The following EXD3 variants were observed in gnomAD, a reference collection of about 807,000 sequenced individuals.
The protein encoded by EXD3 is exonuclease 3'-5' domain containing 3.
A neutral mutation model predicts 98.0 loss-of-function variants in EXD3; 92 were observed. The ratio of observed to expected loss-of-function variants is 0.94; its 90% confidence interval spans 0.79 to 1.12. The LOEUF is 1.12. Among genes scored for constraint, EXD3 ranks in the 50% most tolerant of loss-of-function variants. EXD3 has a pLI of 0.00. For synonymous variants in EXD3, 569 were observed against 526.0 expected, an observed-to-expected ratio of 1.08 and a Z score of -1.12; for missense variants, 1,222 against 1,191.6, an observed-to-expected ratio of 1.03 and a Z score of -0.38.
intron 3 of EXD3, chr9:137,376,993 G>A (rs1330960664): frequency 2.0e-5 from 3 of 150,810 alleles, no homozygotes; most frequent in Non-Finnish European, 4.4e-5. Context: ...TACCCTTCAG[G>A]CATGAGGCCT....
At chr9:137,418,172 C>T (rs987003713) in intron 1 of EXD3, among the ~76,000 whole-genome samples, 3 of 152,156 alleles carry the variant, frequency 2.0e-5, no homozygotes, top group African/African-American at 7.2e-5. Context: ...CATGGTGAAA[C>T]CCCATCTCTA....
chr9:137,353,975 G>GT (rs1834461653), intron 10 of EXD3: 33 of 1,091,984 alleles, frequency 3.0e-5, no homozygotes, highest in Non-Finnish European at 3.7e-5. Context: ...GCACCGGGCT[G>GT]GGGGGGCCTG....
In EXD3 at chr9:137,421,053, G is replaced by T. The variant is rs188649564; in HGVS notation, c.-48+2061C>A. Among the ~76,000 whole-genome samples, 174 of 152,188 alleles carry T rather than the reference G, an allele frequency of 1.1e-3. 2 individuals carry two copies. Among genetic ancestry groups the T allele is most frequent in the African/African-American group, 4.0e-3 (165 of 41,524 alleles). ...TTGGTCTCAAACTCCTGGGCTCAAT[G>T]AATCCTCCCACCTTGGCCTCCCAAA... On this transcript the variant is annotated intron_variant, in intron 1 of 21. Transcript: ENST00000340951.
intron 5 of EXD3, among the ~76,000 whole-genome samples, chr9:137,369,232 G>A (rs561583822): frequency 5.9e-5 from 9 of 152,074 alleles, no homozygotes; most frequent in African/African-American, 2.2e-4. Flanking sequence ...GGGCCTGGGA[G>A]GTGGGCTTAC....
At position 137,403,809 on chromosome 9, in the gene EXD3, G is replaced by A. The variant is rs533991754; in HGVS notation, c.-47-8405C>T. Among the ~76,000 whole-genome samples, 17 of 152,266 alleles carry A rather than the reference G, an allele frequency of 1.1e-4. No individual in the cohort carries two copies. The highest frequency in any genetic ancestry group is 1.9e-4 in the East Asian group (1 of 5,166). ...GGCCCTCTCCACCATGCCCAGAACC[G>A]TGGATGCCCCAGCCTGGGCTCTTCA... is the stretch of plus-strand genomic sequence containing the variant. On this transcript the variant is annotated intron_variant, in intron 1 of 21. Transcript: ENST00000340951. The surrounding 1 kb of genome is among the most constrained non-coding windows in gnomAD (Gnocchi z 6.1).
In EXD3 at chr9:137,349,492, C is replaced by T. The variant is rs754257499; in HGVS notation, c.1534G>A (p.Ala512Thr). 1.9e-6 allele frequency: 3 copies of T among 1,602,992 alleles called. No individual in the cohort carries two copies. The highest frequency in any genetic ancestry group is 4.5e-5 in the East Asian group (2 of 44,792). Residue 512 changes from alanine to threonine, a missense_variant, in exon 15 of 22, where the codon GCC becomes ACC. Transcript: ENST00000340951. This position sits in a 1 kb window ranked among gnomAD's most constrained non-coding sequence, Gnocchi z 7.4. ...ASVPAPAVDR[A>T]RELRGLSLLV... The stretch of plus-strand genomic sequence containing the variant: ...AGGCTCAGGCCCCTCAGCTCCCTGG[C>T]CCTGTCCACGGCTGGGGCTGGCACG...
At chr9:137,353,544 G>A in intron 10 of EXD3, 1 of 986,140 alleles carries the variant, frequency 1.0e-6, no homozygotes, top group Non-Finnish European at 1.2e-6. Context: ...GGGTGGCAAT[G>A]ACCAAGGGGG....
At chr9:137,350,914 G>C (rs990740818) in intron 14 of EXD3, 124 bp downstream of exon 14, 2 of 741,710 alleles carry the variant, frequency 2.7e-6, no homozygotes, top group Non-Finnish European at 2.2e-6. Context: ...TGGTGACTGA[G>C]GCTGTGCTGA....
Position 137,306,968 on chromosome 9 carries a change from C to T in EXD3, c.2613G>A (p.Pro871=), listed in dbSNP as rs773823557. The T allele has an allele frequency of 1.0e-5, 16 of 1,584,774 alleles. No individual in the cohort carries two copies. The highest frequency in any genetic ancestry group is 1.7e-4 in the Middle Eastern group (1 of 5,922). ...SPCEPSPAPS[P]ASSPF Reference sequence around the variant, plus strand: ...GCTGTCCTCAGAAGGGACTGCTGGCCGGGCTGGGGGCTGGGCTCGGCTCGC... The same window carrying T: ...GCTGTCCTCAGAAGGGACTGCTGGCTGGGCTGGGGGCTGGGCTCGGCTCGC... The change falls in exon 22 of 22, where the codon CCG becomes CCA. Residue 871 remains proline, a synonymous_variant. Transcript: ENST00000340951.
chr9:137,348,295 C>G, intron 16 of EXD3, 57 bp from the exon 17 acceptor site: 1 of 1,550,008 alleles, frequency 6.5e-7, no homozygotes, highest in Non-Finnish European at 8.7e-7. Context: ...CTCACAGCCT[C>G]AGAGAGCCAG....
At chr9:137,355,724 A>G (rs975377044) in intron 8 of EXD3, among the ~76,000 whole-genome samples, 8 of 150,842 alleles carry the variant, frequency 5.3e-5, no homozygotes, top group Non-Finnish European at 1.0e-4. Flanking sequence ...AGGAGGAAGG[A>G]GGAAGGAGGA....
Position 137,347,988 on chromosome 9 carries a change from G to T in EXD3, c.1998+83C>A. The T allele has an allele frequency of 7.0e-7, 1 of 1,430,708 alleles. No homozygotes were observed. 88.6% of individuals were successfully genotyped at this position (1,430,708 alleles called of 1,614,324 possible). A position where few individuals can be genotyped will look rare whatever the true frequency, so the allele number is the denominator to read the frequency against. On this transcript the variant is annotated intron_variant, in intron 17 of 21. Transcript: ENST00000340951. The surrounding 1 kb of genome is among the most constrained non-coding windows in gnomAD (Gnocchi z 4.2). ...GCAGCCATGGATGAGCTGGAGGGAG[G>T]AGTTTGATGCTAGGGGTGGGCACAC... is the stretch of plus-strand genomic sequence containing the variant.
chr9:137,395,372 C>T lies in EXD3; in HGVS notation c.-15G>A, dbSNP rs751250693. 128 of 1,613,156 alleles carry T rather than the reference C, an allele frequency of 7.9e-5. No individual in the cohort carries two copies. The highest frequency in any genetic ancestry group is 9.8e-5 in the Non-Finnish European group (116 of 1,179,794). On this transcript the variant is annotated 5_prime_UTR_variant, in exon 2 of 22. Coordinates refer to ENST00000340951, the MANE Select transcript of EXD3 (RefSeq NM_017820.5). The surrounding 1 kb of genome is among the most constrained non-coding windows in gnomAD (Gnocchi z 6.5). The stretch of plus-strand genomic sequence containing the variant: ...CCTGGGTCCATCCTCAGGGCCGGGC[C>T]GAGGACGCTGGCAGGCAGCTAGGAA...
At chr9:137,409,856 C>T (rs1935284272) in intron 1 of EXD3, among the ~76,000 whole-genome samples, 1 of 152,242 alleles carries the variant, frequency 6.6e-6, no homozygotes, top group African/African-American at 2.4e-5. Flanking sequence ...CGACACCACT[C>T]ACCAGTTTTG....
In EXD3 at chr9:137,337,599, C is replaced by T. The variant is rs563743719; in HGVS notation, c.1998+10472G>A. On this transcript the variant is annotated intron_variant, in intron 17 of 21. Transcript: ENST00000340951. ...CCGGGAGGCGGAGCTTGCAGTGAGC[C>T]GAGATTTCGCCACTGCACTCCAGCC... Among the ~76,000 whole-genome samples, 13 of 151,306 alleles carry T rather than the reference C, an allele frequency of 8.6e-5. No homozygotes were observed. In the South Asian group the frequency reaches 1.5e-3, roughly 17 times the overall value.
At chr9:137,343,331 T>C (rs572221900) in intron 17 of EXD3, 2 of 152,264 alleles carry the variant, frequency 1.3e-5, no homozygotes, top group East Asian at 3.9e-4. Flanking sequence ...GGGCTTCTTC[T>C]GGGCCAAGAT....
chr9:137,411,145 C>T (rs565934841), intron 1 of EXD3, among the ~76,000 whole-genome samples: 2 of 152,292 alleles, frequency 1.3e-5, no homozygotes, highest in East Asian at 3.9e-4. Context: ...CCGAGGCCGG[C>T]CCCCCGGGTG....
chr9:137,333,869 A>T (rs1833222983), intron 17 of EXD3, among the ~76,000 whole-genome samples: 1 of 150,830 alleles, frequency 6.6e-6, no homozygotes, highest in Admixed American at 6.6e-5. Flanking sequence ...ACAGAGTCTC[A>T]CTCTGTCACC....
intron 17 of EXD3, among the ~76,000 whole-genome samples, chr9:137,328,623 T>TACACGGGGTC (rs1832656926): frequency 1.5e-5 from 1 of 67,436 alleles, no homozygotes; most frequent in African/African-American, 8.0e-5. Context: ...TACACGGGAC[T>TACACGGGGTC]ACACGGGACT....
Sources: gnomAD v4.1 joint callset for allele counts (sites outside exome capture counted in the v4.1 genomes callset) on GRCh38, gnomAD v4.1.1 for gene constraint, Gnocchi (gnomAD v3.1) non-coding constraint, MANE v1.5 for transcripts, NCBI Gene and HGNC (gene_info 2026-07-23, HGNC 2026-07-21) for gene names.